The following UGT1A9 variants were observed in gnomAD, a reference collection of about 807,000 sequenced individuals.
The protein encoded by UGT1A9 is UDP glucuronosyltransferase family 1 member A9.
UGT1A9 carries 35 observed loss-of-function variants against 45.0 expected under a neutral mutation model. The ratio of observed to expected loss-of-function variants is 0.78; its 90% confidence interval spans 0.59 to 1.03. The LOEUF (loss-of-function observed/expected upper bound fraction) is 1.03, where lower values mean the gene tolerates loss of function less well. UGT1A9 is among the 50% of genes least tolerant of loss of function. The pLI is 0.00. For synonymous variants in UGT1A9, 278 were observed against 250.6 expected, an observed-to-expected ratio of 1.11 and a Z score of -1.03; for missense variants, 687 against 666.6, an observed-to-expected ratio of 1.03 and a Z score of -0.34.
intron 4 of UGT1A9, among the ~76,000 whole-genome samples, chr2:233,771,914 AAC>A (rs1700408525): frequency 6.6e-6 from 1 of 152,068 alleles, no homozygotes; most frequent in African/African-American, 2.4e-5. Flanking sequence ...TGATAATAGT[AAC>A]ACAGCCTGGG....
At chr2:233,757,125 G>T (rs1455211055) in intron 1 of UGT1A9, among the ~76,000 whole-genome samples, 1 of 151,320 alleles carries the variant, frequency 6.6e-6, no homozygotes, top group Admixed American at 6.6e-5. Context: ...CTAGAGAGGA[G>T]GAATGAGCTT....
intron 1 of UGT1A9, among the ~76,000 whole-genome samples, chr2:233,738,198 C>T (rs981830187): frequency 3.3e-5 from 5 of 152,188 alleles, no homozygotes; most frequent in Admixed American, 3.3e-4. Context: ...GCCTCTCTCT[C>T]ACTTTCTGCC....
Position 233,772,456 on chromosome 2 carries a change from T to C in UGT1A9, c.1490T>C (p.Leu497Pro), listed in dbSNP as rs763440969. ...ATTGGTTTCCTCTTGGCCGTCGTGCTGACAGTGGCCTTCATCACCTTTAAA... is the reference window on the plus strand; with the variant it reads ...ATTGGTTTCCTCTTGGCCGTCGTGCCGACAGTGGCCTTCATCACCTTTAAA... ...DVIGFLLAVV[L>P]TVAFITFKCC... Residue 497 changes from leucine to proline, a missense_variant, in exon 5 of 5, where the codon CTG (leucine) becomes CCG (proline). Physicochemically the swap from Leu to Pro is moderately conservative, Grantham distance 98. Coordinates refer to ENST00000354728, the MANE Select transcript of UGT1A9 (RefSeq NM_021027.3). The C allele has an allele frequency of 4.3e-6, 7 of 1,614,218 alleles. No individual in the cohort carries two copies. The highest frequency in any genetic ancestry group is 5.9e-6 in the Non-Finnish European group (7 of 1,180,044).
chr2:233,704,547 A>G (rs1186036983), intron 1 of UGT1A9, among the ~76,000 whole-genome samples: 1 of 152,170 alleles, frequency 6.6e-6, no homozygotes, highest in East Asian at 1.9e-4. Context: ...TGGTGATAAT[A>G]TTACTTTATA....
At chr2:233,734,933 A>T (rs1236153651) in intron 1 of UGT1A9, among the ~76,000 whole-genome samples, 3 of 152,196 alleles carry the variant, frequency 2.0e-5, no homozygotes, top group Non-Finnish European at 4.4e-5. Context: ...TTTACTTACA[A>T]TCATATGGTC....
At chr2:233,729,032 T>C in intron 1 of UGT1A9, 2 of 1,601,672 alleles carry the variant, frequency 1.2e-6, no homozygotes. Flanking sequence ...GTTGATTTGC[T>C]AAGTGGCTCA....
intron 1 of UGT1A9, among the ~76,000 whole-genome samples, chr2:233,686,265 T>C (rs1311143668): frequency 1.3e-5 from 2 of 152,054 alleles, no homozygotes; most frequent in Non-Finnish European, 2.9e-5. Context: ...TTTTTTCTTG[T>C]ACCAAAAGTA....
chr2:233,674,696 T>C (rs1363501831), intron 1 of UGT1A9, among the ~76,000 whole-genome samples: 1 of 152,210 alleles, frequency 6.6e-6, no homozygotes, highest in African/African-American at 2.4e-5. Flanking sequence ...TTAAAGAATA[T>C]GGATGTATGA....
At chr2:233,766,573 T>A (rs1699187468) in intron 1 of UGT1A9, among the ~76,000 whole-genome samples, 1 of 152,150 alleles carries the variant, frequency 6.6e-6, no homozygotes, top group Non-Finnish European at 1.5e-5. Context: ...TGGGCACAGG[T>A]CTGGGGGTGG....
chr2:233,683,825 T>C lies in UGT1A9; in HGVS notation c.855+11036T>C, dbSNP rs570191336. ...GTAGTCATATTACTAAACTCTCGTATTAGTATGTAAGGTGTATTAAGTATG... is the reference window on the plus strand; with the variant it reads ...GTAGTCATATTACTAAACTCTCGTACTAGTATGTAAGGTGTATTAAGTATG... On this transcript the variant is annotated intron_variant, in intron 1 of 4. Transcript: ENST00000354728. 5.9e-5 allele frequency among the ~76,000 whole-genome samples: 9 copies of C among 152,290 alleles called. No individual in the cohort carries two copies. In the South Asian group the frequency reaches 1.9e-3, roughly 32 times the overall value.
intron 4 of UGT1A9, chr2:233,771,347 C>T (rs1700292038): frequency 6.6e-6 from 1 of 152,046 alleles, no homozygotes; most frequent in South Asian, 2.1e-4. Context: ...CCTGTAGCAC[C>T]AAGGGTTGAA....
chr2:233,765,404 C>T (rs746281443), intron 1 of UGT1A9, among the ~76,000 whole-genome samples: 4 of 152,166 alleles, frequency 2.6e-5, no homozygotes, highest in Non-Finnish European at 2.9e-5. Flanking sequence ...GGTACATATA[C>T]ACCATGGAAT....
At chr2:233,678,329 G>A (rs1195831675) in intron 1 of UGT1A9, among the ~76,000 whole-genome samples, 3 of 152,086 alleles carry the variant, frequency 2.0e-5, no homozygotes, top group Non-Finnish European at 2.9e-5. Flanking sequence ...ATGTATAAGA[G>A]GAAGTCATTC....
At chr2:233,693,601 T>A (rs777955956) in intron 1 of UGT1A9, 17 of 1,614,056 alleles carry the variant, frequency 1.1e-5, no homozygotes, top group Non-Finnish European at 1.2e-5. Flanking sequence ...ACACAAAGTT[T>A]TCAGACCACA....
intron 4 of UGT1A9, 140 bp downstream of exon 4, chr2:233,768,579 CTTCTTTT>C: frequency 1.1e-6 from 1 of 934,852 alleles, no homozygotes; most frequent in Non-Finnish European, 1.4e-6. Context: ...ATTTTTATTT[CTTCTTTT>C]TTTTTTTTTT....
intron 4 of UGT1A9, chr2:233,771,323 A>G (rs112105474): frequency 2.6e-5 from 4 of 151,390 alleles, no homozygotes; most frequent in Admixed American, 6.6e-5. Flanking sequence ...CTCCTCTTCA[A>G]TCTCCTCTTC....
chr2:233,744,576 G>A (rs371492922), intron 1 of UGT1A9, among the ~76,000 whole-genome samples: 6 of 151,982 alleles, frequency 3.9e-5, no homozygotes, highest in South Asian at 4.2e-4. Flanking sequence ...GAGTGGCATC[G>A]TTTTACAGTT....
chr2:233,726,424 A>G (rs540459966), intron 1 of UGT1A9, among the ~76,000 whole-genome samples: 1 of 151,962 alleles, frequency 6.6e-6, no homozygotes, highest in East Asian at 1.9e-4. Flanking sequence ...GATTCTGTCC[A>G]CTCTTAATCT....
At chr2:233,675,361 A>G (rs536751286) in intron 1 of UGT1A9, among the ~76,000 whole-genome samples, 4 of 152,326 alleles carry the variant, frequency 2.6e-5, no homozygotes, top group African/African-American at 9.6e-5. Flanking sequence ...AATAGTTTTA[A>G]TGGCAAAAAG....
Sources: allele counts gnomAD v4.1 joint callset (sites outside exome capture counted in the v4.1 genomes callset), GRCh38; gene constraint gnomAD v4.1.1; transcripts MANE v1.5; gene names NCBI Gene and HGNC (gene_info 2026-07-23, HGNC 2026-07-21).